Variants in TIMELESS observed in about 807,000 individuals in gnomAD.
TIMELESS encodes timeless circadian regulator.
Under a neutral mutation model 164.3 loss-of-function variants are expected in TIMELESS, and 124 were observed. The ratio of observed to expected loss-of-function variants is 0.75; its 90% CI spans 0.65 to 0.88. The LOEUF (loss-of-function observed/expected upper bound fraction) is 0.88, where lower values mean the gene tolerates loss of function less well. TIMELESS is among the 40% of genes least tolerant of loss of function. TIMELESS has a pLI of 0.00. For missense variants in TIMELESS, 1,422 were observed against 1,491.4 expected, an observed-to-expected ratio of 0.95 and a Z score of 0.77; for synonymous variants, 564 against 563.4, an observed-to-expected ratio of 1.00 and a Z score of -0.02.
chr12:56,422,389 AT>A (rs1881527784), intron 19 of TIMELESS, among the ~76,000 whole-genome samples, 198 bp from the exon 20 acceptor site: 1 of 151,998 alleles, frequency 6.6e-6, no homozygotes, highest in Non-Finnish European at 1.5e-5. Context: ...AAACTAAGAG[AT>A]TTTCCAGGTT....
chr12:56,421,824 G>A lies in TIMELESS; in HGVS notation c.2643-15C>T. ...GGGTTCCTTTCCTGATTAGGAAGGTGTCAGTGGAAGAGGAAGCCCAGGAAG... is the reference window on the plus strand; with the variant it reads ...GGGTTCCTTTCCTGATTAGGAAGGTATCAGTGGAAGAGGAAGCCCAGGAAG... On this transcript the variant is annotated splice_polypyrimidine_tract_variant and intron_variant, in intron 21 of 28. Coordinates refer to ENST00000553532, the MANE Select transcript of TIMELESS (RefSeq NM_003920.5). 6.2e-7 allele frequency: 1 copy of A among 1,613,820 alleles called. No homozygotes were observed. Among genetic ancestry groups the A allele is most frequent in the Non-Finnish European group, 8.5e-7 (1 of 1,179,698 alleles).
intron 8 of TIMELESS, among the ~76,000 whole-genome samples, 162 bp downstream of exon 8, chr12:56,431,309 G>A (rs1003910027): frequency 1.3e-5 from 2 of 149,758 alleles, no homozygotes; most frequent in East Asian, 2.0e-4. Flanking sequence ...AGCAGAGATC[G>A]TGCCAGTGCA....
chr12:56,421,982 C>CCTGA lies in TIMELESS; in HGVS notation c.2558_2559insTCAG (p.Asn854GlnfsTer22). 1 of 1,614,164 alleles carries CCTGA rather than the reference C, an allele frequency of 6.2e-7. No homozygotes were observed. Among genetic ancestry groups the CCTGA allele is most frequent in the Non-Finnish European group, 8.5e-7 (1 of 1,180,026 alleles). On this transcript the variant is annotated frameshift_variant, in exon 21 of 29. Coordinates refer to ENST00000553532, the MANE Select transcript of TIMELESS (RefSeq NM_003920.5). LOFTEE classifies it high-confidence loss of function. ...GCTTGCGTGTTCGAGGAACAGTATT[C>CCTGA]AGGTGGGCCAAGATGGCTTCCACCA...
chr12:56,423,702 G>A lies in TIMELESS; in HGVS notation c.1972C>T (p.Gln658Ter), dbSNP rs1411755891. 2 of 1,613,978 alleles carry A rather than the reference G, an allele frequency of 1.2e-6. No homozygotes were observed. The highest frequency in any genetic ancestry group is 1.7e-6 in the Non-Finnish European group (2 of 1,179,944). ...TCTGCCCCACGTTCCTCTGGGCCCT[G>A]CTGCCCTATAGACAGAGGGAGGATT... The part of the protein sequence containing the change: ...QILSAPLPRQ[Q>*]GPEERGAEEE... The change falls in exon 17 of 29, where the codon CAG becomes TAG. Residue 658 changes from glutamine to a stop codon, truncating the protein, a stop_gained. Transcript: ENST00000553532. LOFTEE classifies it high-confidence loss of function.
At chr12:56,448,325 G>C (rs1369401532) in intron 1 of TIMELESS, among the ~76,000 whole-genome samples, 1 of 152,104 alleles carries the variant, frequency 6.6e-6, no homozygotes, top group Non-Finnish European at 1.5e-5. Flanking sequence ...AGAATCGCTT[G>C]AACTGGGGAG....
intron 8 of TIMELESS, 117 bp downstream of exon 8, chr12:56,431,354 C>CAAAAAAAAAAAAAAAAAACAAA (rs1881872989): frequency 1.3e-6 from 1 of 752,370 alleles, no homozygotes; most frequent in African/African-American, 2.4e-5. Flanking sequence ...AATTCTGTCT[C>CAAAAAAAAAAAAAAAAAACAAA]AAAAAAAAAA....
intron 6 of TIMELESS, 59 bp downstream of exon 6, chr12:56,432,967 A>AT: frequency 8.3e-7 from 1 of 1,198,248 alleles, no homozygotes; most frequent in Non-Finnish European, 1.2e-6. Context: ...AAAAAAAAAA[A>AT]AAAAAAAGGC....
At chr12:56,439,888 A>C (rs1868251754) in intron 1 of TIMELESS, among the ~76,000 whole-genome samples, 1 of 152,200 alleles carries the variant, frequency 6.6e-6, no homozygotes, top group African/African-American at 2.4e-5. Context: ...TTCATGAAAA[A>C]ATTCATTACA....
rs367998036 is a variant in TIMELESS, at chr12:56,431,054, T to A, written c.822-86A>T. 34 of 963,480 alleles carry A rather than the reference T, an allele frequency of 3.5e-5. No homozygotes were observed. The African/African-American group carries it at 4.8e-4, about 14-fold the overall frequency. The allele number at this position is 963,480 out of a possible 1,614,324, so 59.7% of individuals were successfully genotyped here. A position where few individuals can be genotyped will look rare whatever the true frequency, so the allele number is the denominator to read the frequency against. On this transcript the variant is annotated intron_variant, in intron 8 of 28. Transcript: ENST00000553532. Reference sequence around the variant, plus strand: ...TCTATCATCGGCACATTGGAGCAAGTTAAAACTACAAAATGTTGGTCGGGC... The same window carrying A: ...TCTATCATCGGCACATTGGAGCAAGATAAAACTACAAAATGTTGGTCGGGC...
intron 1 of TIMELESS, among the ~76,000 whole-genome samples, chr12:56,444,131 C>T (rs570083659): frequency 1.3e-5 from 2 of 152,090 alleles, no homozygotes; most frequent in Non-Finnish European, 1.5e-5. Context: ...CACCTGACCT[C>T]GTGATCCACC....
chr12:56,429,110 A>C lies in TIMELESS; in HGVS notation c.1087-10T>G. On this transcript the variant is annotated splice_polypyrimidine_tract_variant and intron_variant, in intron 10 of 28. Transcript: ENST00000553532. ...CCCGAAGCAGGTGATCCTGACATTT[A>C]AAAAAGAAAAAAAAAGATCACCATG... The C allele has an allele frequency of 6.2e-7, 1 of 1,603,660 alleles. No homozygotes were observed. The highest frequency in any genetic ancestry group is 8.5e-7 in the Non-Finnish European group (1 of 1,175,980).
At chr12:56,431,969 T>C (rs1019630686) in intron 7 of TIMELESS, among the ~76,000 whole-genome samples, 10 of 152,090 alleles carry the variant, frequency 6.6e-5, no homozygotes, top group Non-Finnish European at 1.2e-4. Flanking sequence ...TATTCTATTA[T>C]GTTTTTTCAA....
intron 10 of TIMELESS, among the ~76,000 whole-genome samples, chr12:56,429,497 C>CTTTTT (rs35987061): frequency 2.0e-5 from 1 of 50,082 alleles, no homozygotes; most frequent in African/African-American, 7.8e-5. Context: ...TGCGCCTGGT[C>CTTTTT]TTTTTTTTTT....
intron 12 of TIMELESS, 39 bp from the exon 13 acceptor site, chr12:56,428,444 T>C: frequency 6.2e-7 from 1 of 1,606,146 alleles, no homozygotes; most frequent in Non-Finnish European, 8.5e-7. Flanking sequence ...AGGGCTATTC[T>C]GGAAAGCTTG....
Position 56,423,722 on chromosome 12 carries a change from A to G in TIMELESS, c.1967-15T>C, listed in dbSNP as rs1467773670. The G allele has an allele frequency of 1.4e-5, 23 of 1,613,782 alleles. No individual in the cohort carries two copies. The highest frequency in any genetic ancestry group is 1.9e-5 in the Non-Finnish European group (22 of 1,179,960). On this transcript the variant is annotated splice_polypyrimidine_tract_variant and intron_variant, in intron 16 of 28. Coordinates refer to ENST00000553532, the MANE Select transcript of TIMELESS (RefSeq NM_003920.5). The stretch of plus-strand genomic sequence containing the variant: ...GCCCTGCTGCCCTATAGACAGAGGG[A>G]GGATTACTGAGTCTCTGTTATGTTG...
chr12:56,433,130 A>C lies in TIMELESS; in HGVS notation c.430-3T>G. 1.2e-6 allele frequency: 2 copies of C among 1,613,968 alleles called. No individual in the cohort carries two copies. The highest frequency in any genetic ancestry group is 1.7e-6 in the Non-Finnish European group (2 of 1,179,896). ...TCCTCCTGCCGTTCCTCCCAGCCCT[A>C]ACCAGAAGAGAGTAAGAGGAAGAGA... On this transcript the variant is annotated splice_polypyrimidine_tract_variant and splice_region_variant and intron_variant, in intron 5 of 28. Coordinates refer to ENST00000553532, the MANE Select transcript of TIMELESS (RefSeq NM_003920.5).
rs769519827 is a variant in TIMELESS at position 56,421,387 on chromosome 12, G to C, written c.2832C>G (p.Tyr944Ter). ...LGLVAERREL[Y>*]KKRQKKLASS... ...ATGCCAACTTTTTCTGCCGTTTCTT[G>C]TACAGCTCCCGCCGCTCAGCCACCA... The change falls in exon 23 of 29, where the codon TAC becomes TAG. Residue 944 changes from tyrosine (Y) to a stop codon, truncating the protein, a stop_gained. Coordinates refer to ENST00000553532, the MANE Select transcript of TIMELESS (RefSeq NM_003920.5). LOFTEE classifies it high-confidence loss of function. 3 of 1,614,050 alleles carry C rather than the reference G, an allele frequency of 1.9e-6. No homozygotes were observed. Among genetic ancestry groups the C allele is most frequent in the Non-Finnish European group, 2.5e-6 (3 of 1,180,002 alleles).
chr12:56,443,295 G>T (rs1472254472), intron 1 of TIMELESS, among the ~76,000 whole-genome samples: 1 of 152,098 alleles, frequency 6.6e-6, no homozygotes, highest in African/African-American at 2.4e-5. Context: ...CATTCCCAGG[G>T]GTAGGCCTAT....
chr12:56,437,637 AAGGCAGAAGTTAAGC>A (rs1045985305), intron 1 of TIMELESS, among the ~76,000 whole-genome samples: 1 of 152,188 alleles, frequency 6.6e-6, no homozygotes, highest in Non-Finnish European at 1.5e-5. Context: ...AGCAAGATAA[AAGGCAGAAGTTAAGC>A]AGGCCAAAAC....
Sources: gnomAD v4.1 joint callset for allele counts (sites outside exome capture counted in the v4.1 genomes callset) on GRCh38, gnomAD v4.1.1 for gene constraint, MANE v1.5 for transcripts, NCBI Gene and HGNC (gene_info 2026-07-23, HGNC 2026-07-21) for gene names.